The following RAB17 variants were observed in gnomAD, a reference collection of about 807,000 sequenced individuals.
RAB17 encodes ras-related protein Rab-17.
RAB17 carries 15 observed loss-of-function variants against 19.3 expected under a neutral mutation model. That is an observed-to-expected ratio of 0.78 (90% CI 0.52 to 1.20). RAB17 has a LOEUF of 1.20. Ranked by LOEUF, RAB17 falls within the 50% of genes most tolerant of loss-of-function variation. The probability of loss-of-function intolerance (pLI) is 0.00; values close to 1 mark genes in which losing one functional copy is unlikely to be tolerated. For synonymous variants in RAB17, 110 were observed against 112.8 expected (o/e 0.97, Z 0.16); for missense variants, 262 against 269.3 (o/e 0.97, Z 0.19).
Position 237,578,037 on chromosome 2 carries a change from G to A in RAB17, c.276C>T (p.Asn92=), listed in dbSNP as rs373239912. 92 of 1,612,378 alleles carry A rather than the reference G, an allele frequency of 5.7e-5. No individual in the cohort carries two copies. Among genetic ancestry groups the A allele is most frequent in the Middle Eastern group, 1.7e-4 (1 of 6,058 alleles). Reference sequence around the variant, plus strand: ...TGATGTCGTACACCAGAAGCGCAGCGTTGGCACCCCTGAAGTAGAGGTGGC... The same window carrying A: ...TGATGTCGTACACCAGAAGCGCAGCATTGGCACCCCTGAAGTAGAGGTGGC... ...SVCHLYFRGA[N]AALLVYDITR... is the part of the protein sequence containing the mutation. The change falls in exon 3 of 6, where the codon AAC becomes AAT. Residue 92 remains asparagine (N), a synonymous_variant. Coordinates refer to ENST00000264601, the MANE Select transcript of RAB17 (RefSeq NM_022449.4).
intron 2 of RAB17, among the ~76,000 whole-genome samples, chr2:237,582,546 G>C (rs1265437053): frequency 6.6e-6 from 1 of 152,222 alleles, no homozygotes; most frequent in Non-Finnish European, 1.5e-5. Context: ...CAAGCACTGG[G>C]CGTGCTGCCT....
Position 237,575,131 on chromosome 2 carries a change from G to A in RAB17, c.530-3C>T, listed in dbSNP as rs2081251221. On this transcript the variant is annotated splice_region_variant and splice_polypyrimidine_tract_variant and intron_variant, in intron 5 of 5. Coordinates refer to ENST00000264601, the MANE Select transcript of RAB17 (RefSeq NM_022449.4). ...GCTTCTCTGCAGTAGCTCTTGGGCT[G>A]TGAACAGCAAGAGGAGGGGGCTGGC... The A allele has an allele frequency of 3.7e-6, 6 of 1,610,928 alleles. No individual in the cohort carries two copies. The highest frequency in any genetic ancestry group is 5.1e-6 in the Non-Finnish European group (6 of 1,178,088).
rs377410079 is a variant in RAB17 at position 237,578,141 on chromosome 2, T to C, written c.172A>G (p.Lys58Glu). The change falls in exon 3 of 6, where the codon AAG becomes GAG. Residue 58 changes from lysine (K) to glutamate (E), a missense_variant. Transcript: ENST00000264601. ...LPTVGCAFFT[K>E]VVDVGATSLK... is the part of the protein sequence containing the mutation. ...GAGGTGGCACCCACATCCACCACCT[T>C]TGTGAAGAACGCACCTGAAACAGGG... 71 of 1,611,408 alleles carry C rather than the reference T, an allele frequency of 4.4e-5. No individual in the cohort carries two copies. Among genetic ancestry groups the C allele is most frequent in the Non-Finnish European group, 5.6e-5 (66 of 1,177,932 alleles).
rs1182719546 is a variant in RAB17 at position 237,574,602 on chromosome 2, AC to A, written c.*416del. The A allele has an allele frequency of 5.8e-5, 89 of 1,535,168 alleles. No homozygotes were observed. The highest frequency in any genetic ancestry group is 7.8e-5 in the Non-Finnish European group (89 of 1,138,740). On this transcript the variant is annotated 3_prime_UTR_variant, in exon 6 of 6. Transcript: ENST00000264601. The stretch of plus-strand genomic sequence containing the variant: ...CCACCTCCATCTGGCCTGCTCCCCA[AC>A]CCCCCAGAAGCAGGTGGGCCCAGGC...
chr2:237,587,993 G>T (rs1039358584), intron 1 of RAB17, among the ~76,000 whole-genome samples: 1 of 152,154 alleles, frequency 6.6e-6, no homozygotes, highest in Non-Finnish European at 1.5e-5. Flanking sequence ...CCTAAGAAAT[G>T]AATGAATGAG....
chr2:237,584,901 C>A (rs796202015), intron 2 of RAB17, among the ~76,000 whole-genome samples: 41 of 152,292 alleles, frequency 2.7e-4, no homozygotes, highest in African/African-American at 9.6e-4. Context: ...CACAGGGTAA[C>A]CTTGACTCTC....
At chr2:237,588,612 T>C (rs895805109) in intron 1 of RAB17, among the ~76,000 whole-genome samples, 1 of 152,144 alleles carries the variant, frequency 6.6e-6, no homozygotes, top group Non-Finnish European at 1.5e-5. Flanking sequence ...ATGGCTACAG[T>C]GTACACCGCT....
chr2:237,586,769 T>G (rs1023284083), intron 1 of RAB17, among the ~76,000 whole-genome samples: 3 of 152,166 alleles, frequency 2.0e-5, no homozygotes, highest in Non-Finnish European at 4.4e-5. Context: ...GAAACTTTCA[T>G]GTACACACCA....
chr2:237,585,540 C>G (rs1156864348), intron 2 of RAB17: 1 of 133,440 alleles, frequency 7.5e-6, no homozygotes, highest in African/African-American at 3.2e-5. Flanking sequence ...AGCTGGTAAA[C>G]CAAGTCCAGG....
chr2:237,574,326 T>C lies in RAB17; in HGVS notation c.*693A>G, dbSNP rs2081243488. 3 of 1,428,624 alleles carry C rather than the reference T, an allele frequency of 2.1e-6. No individual in the cohort carries two copies. Among genetic ancestry groups the C allele is most frequent in the Non-Finnish European group, 2.7e-6 (3 of 1,092,036 alleles). The allele number at this position is 1,428,624 out of a possible 1,614,324, so 88.5% of individuals were successfully genotyped here. A position where few individuals can be genotyped will look rare whatever the true frequency, so the allele number is the denominator to read the frequency against. ...TCCTCAAAAACTTCTAAAAGCCAGATTGTCAAAAGCAATTTAATTTTTGGA... is the reference window on the plus strand; with the variant it reads ...TCCTCAAAAACTTCTAAAAGCCAGACTGTCAAAAGCAATTTAATTTTTGGA... On this transcript the variant is annotated 3_prime_UTR_variant, in exon 6 of 6. Coordinates refer to ENST00000264601, the MANE Select transcript of RAB17 (RefSeq NM_022449.4).
Position 237,578,063 on chromosome 2 carries a change from A to G in RAB17, c.250T>C (p.Cys84Arg). The change falls in exon 3 of 6, where the codon TGC becomes CGC. Residue 84 changes from cysteine to arginine, a missense_variant. Transcript: ENST00000264601. ...TTGGCACCCCTGAAGTAGAGGTGGC[A>G]GACGCTGTGGTACTTCTCCTGGCCA... is the stretch of plus-strand genomic sequence containing the variant. ...TAGQEKYHSV[C>R]HLYFRGANAA... The G allele has an allele frequency of 6.2e-7, 1 of 1,613,832 alleles. No homozygotes were observed. Among genetic ancestry groups the G allele is most frequent in the Non-Finnish European group, 8.5e-7 (1 of 1,179,718 alleles).
intron 2 of RAB17, among the ~76,000 whole-genome samples, chr2:237,580,517 G>A (rs1439626629): frequency 1.3e-5 from 2 of 152,268 alleles, no homozygotes; most frequent in South Asian, 2.1e-4. Context: ...GAGGTGGGTA[G>A]ATCACTTGAG....
chr2:237,579,676 G>C (rs1020591337), intron 2 of RAB17: 2 of 151,998 alleles, frequency 1.3e-5, no homozygotes, highest in Non-Finnish European at 2.9e-5. Flanking sequence ...GGTTCCGGGG[G>C]TTAGGACTTA....
intron 4 of RAB17, 106 bp downstream of exon 4, chr2:237,577,151 G>A (rs561013525): frequency 4.0e-5 from 54 of 1,359,794 alleles, no homozygotes; most frequent in Admixed American, 8.2e-5. Flanking sequence ...AAGTGTGTGC[G>A]TGTGTGGGTG....
chr2:237,580,761 G>C (rs796548900), intron 2 of RAB17, among the ~76,000 whole-genome samples: 1 of 151,876 alleles, frequency 6.6e-6, no homozygotes, highest in South Asian at 2.1e-4. Context: ...AAGAAGGGGG[G>C]GGAGGAGGGG....
intron 2 of RAB17, among the ~76,000 whole-genome samples, chr2:237,581,768 T>C (rs1377685641): frequency 1.3e-5 from 2 of 152,202 alleles, no homozygotes; most frequent in African/African-American, 4.8e-5. Flanking sequence ...AGAAGGGAAG[T>C]CAGCTGGTGC....
chr2:237,577,463 G>A (rs570335437), intron 3 of RAB17, 81 bp from the exon 4 acceptor site: 13 of 1,457,396 alleles, frequency 8.9e-6, no homozygotes, highest in Non-Finnish European at 1.2e-5. Context: ...AGCCAGTGTT[G>A]CTGATCACGT....
At chr2:237,578,222 C>T in intron 2 of RAB17, 67 bp from the exon 3 acceptor site, 1 of 1,500,480 alleles carries the variant, frequency 6.7e-7, no homozygotes, top group South Asian at 1.3e-5. Context: ...CAGGTGGGAC[C>T]ACGGCAAGCC....
At chr2:237,578,337 C>T in intron 2 of RAB17, 182 bp from the exon 3 acceptor site, 2 of 593,888 alleles carry the variant, frequency 3.4e-6, no homozygotes, top group South Asian at 4.4e-5. Flanking sequence ...GAGCCTTCCA[C>T]ATCGAGCAAA....
Sources: gnomAD v4.1 joint callset for allele counts (sites outside exome capture counted in the v4.1 genomes callset) on GRCh38, gnomAD v4.1.1 for gene constraint, MANE v1.5 for transcripts, NCBI Gene and HGNC (gene_info 2026-07-23, HGNC 2026-07-21) for gene names.